BABAM2: variants seen among roughly 807,000 people sequenced by gnomAD.
BABAM2 encodes BRISC and BRCA1 A complex member 2.
In BABAM2, 31 loss-of-function variants were observed where a neutral mutation model predicts 54.7. The ratio of observed to expected loss-of-function variants is 0.57; its 90% CI spans 0.43 to 0.77. BABAM2 has a LOEUF of 0.77. BABAM2 is among the 30% of genes least tolerant of loss of function. The pLI is 0.00. For synonymous variants in BABAM2, 167 were observed against 162.9 expected (o/e 1.03, Z -0.19); for missense variants, 364 against 455.8 (o/e 0.80, Z 1.83).
chr2:28,218,514 T>C (rs745445109), intron 7 of BABAM2, among the ~76,000 whole-genome samples: 1 of 152,220 alleles, frequency 6.6e-6, no homozygotes, highest in Non-Finnish European at 1.5e-5. Flanking sequence ...TTGGGTTCAT[T>C]TGATGCTTCC....
In BABAM2 at chr2:28,294,379, C is replaced by CA. The variant is rs113383946; in HGVS notation, c.935-3944dup. ...TGGGCGACACAGTGAGACTCCATCT[C>CA]AAAAAAAAAAAAAAAGGAAAGAAAG... On this transcript the variant is annotated intron_variant, in intron 10 of 11. Coordinates refer to ENST00000379624, the MANE Select transcript of BABAM2 (RefSeq NM_199191.3). Among the ~76,000 whole-genome samples, 920 of 92,820 alleles carry CA rather than the reference C, an allele frequency of 9.9e-3. 4 individuals carry two copies. The Middle Eastern group carries it at 0.11, about 11-fold the overall frequency. 60.9% of individuals were successfully genotyped at this position (92,820 alleles called of 152,430 possible).
chr2:28,331,781 C>G (rs1005295295), intron 11 of BABAM2, among the ~76,000 whole-genome samples: 1 of 152,188 alleles, frequency 6.6e-6, no homozygotes, highest in African/African-American at 2.4e-5. Flanking sequence ...GACCTAGAAC[C>G]AGAAATATCA....
intron 7 of BABAM2, among the ~76,000 whole-genome samples, chr2:28,143,720 G>A (rs1176424828): frequency 1.3e-5 from 2 of 152,110 alleles, no homozygotes; most frequent in African/African-American, 4.8e-5. Flanking sequence ...TACTACTAGT[G>A]GCTAATACCA....
At chr2:27,982,712 T>C (rs1314665142) in intron 3 of BABAM2, among the ~76,000 whole-genome samples, 1 of 151,878 alleles carries the variant, frequency 6.6e-6, no homozygotes, top group Non-Finnish European at 1.5e-5. Flanking sequence ...CTTCAGGTGT[T>C]TCGTATAAGT....
At chr2:28,335,380 G>T (rs1691357698) in intron 11 of BABAM2, among the ~76,000 whole-genome samples, 1 of 152,106 alleles carries the variant, frequency 6.6e-6, no homozygotes, top group South Asian at 2.1e-4. Flanking sequence ...ATGTTGGCCA[G>T]GCTGGTCTTG....
rs564373557 is a variant in BABAM2 at position 28,159,748 on chromosome 2, C to G, written c.680+30368C>G. Among the ~76,000 whole-genome samples, 3 of 152,086 alleles carry G rather than the reference C, an allele frequency of 2.0e-5. No homozygotes were observed. In the East Asian group the frequency reaches 5.8e-4, roughly 30 times the overall value. On this transcript the variant is annotated intron_variant, in intron 7 of 11. Transcript: ENST00000379624. The stretch of plus-strand genomic sequence containing the variant: ...TACAAAAATTAGCTGGGCGTGGTGG[C>G]AAGCACCTGTAATCCCAGCGACTCA...
At position 28,131,468 on chromosome 2, in the gene BABAM2, G is replaced by A. The variant is rs368909303; in HGVS notation, c.680+2088G>A. Among the ~76,000 whole-genome samples, 7 of 152,100 alleles carry A rather than the reference G, an allele frequency of 4.6e-5. No individual in the cohort carries two copies. The South Asian group carries it at 1.2e-3, about 27-fold the overall frequency. On this transcript the variant is annotated intron_variant, in intron 7 of 11. Coordinates refer to ENST00000379624, the MANE Select transcript of BABAM2 (RefSeq NM_199191.3). ...GTAGAATGACGTGGCATAAGGCAAG[G>A]GCTCTGAGTCAAGCAGATCTAGTTT...
intron 3 of BABAM2, among the ~76,000 whole-genome samples, chr2:27,963,949 A>T (rs1670663324): frequency 6.6e-6 from 1 of 152,250 alleles, no homozygotes; most frequent in Non-Finnish European, 1.5e-5. Flanking sequence ...GTTTGGAAGC[A>T]GCAGGATGTA....
At position 28,120,228 on chromosome 2, in the gene BABAM2, C is replaced by T. The variant is rs185482844; in HGVS notation, c.571-9043C>T. On this transcript the variant is annotated intron_variant, in intron 6 of 11. Transcript: ENST00000379624. ...TTTTGAATATCTACTGTGTGCCTGGCGCAGACAATATCATTTATTCTTGGA... is the reference window on the plus strand; with the variant it reads ...TTTTGAATATCTACTGTGTGCCTGGTGCAGACAATATCATTTATTCTTGGA... Among the ~76,000 whole-genome samples the T allele has an allele frequency of 1.2e-3, 182 of 152,218 alleles. 1 individual carries two copies. Among genetic ancestry groups the T allele is most frequent in the Middle Eastern group, 3.4e-3 (1 of 294 alleles).
At chr2:28,135,383 A>ATCCT (rs1670445015) in intron 7 of BABAM2, among the ~76,000 whole-genome samples, 1 of 151,818 alleles carries the variant, frequency 6.6e-6, no homozygotes, top group Admixed American at 6.6e-5. Context: ...GAGTTTTTAG[A>ATCCT]TCCTTCCTTG....
chr2:28,314,504 A>C (rs1463449858), intron 11 of BABAM2, among the ~76,000 whole-genome samples: 2 of 152,144 alleles, frequency 1.3e-5, no homozygotes, highest in Non-Finnish European at 1.5e-5. Context: ...CTTGGTTGAC[A>C]CTCAGGTTTG....
intron 10 of BABAM2, among the ~76,000 whole-genome samples, chr2:28,271,546 G>A (rs547259222): frequency 1.5e-3 from 225 of 152,264 alleles, no homozygotes; most frequent in Non-Finnish European, 2.3e-3. Flanking sequence ...CATTGTAAAG[G>A]AAACAACCCT....
chr2:28,333,216 C>A (rs779267844), intron 11 of BABAM2, among the ~76,000 whole-genome samples: 1 of 152,108 alleles, frequency 6.6e-6, no homozygotes, highest in Non-Finnish European at 1.5e-5. Flanking sequence ...CAGTTACTCC[C>A]GCCTTTTAGA....
intron 7 of BABAM2, among the ~76,000 whole-genome samples, chr2:28,149,268 G>A (rs988840326): frequency 6.6e-6 from 1 of 152,134 alleles, no homozygotes; most frequent in Non-Finnish European, 1.5e-5. Flanking sequence ...TGAGTACTGG[G>A]TACGAAGACT....
At chr2:28,051,941 T>A (rs1024073653) in intron 6 of BABAM2, among the ~76,000 whole-genome samples, 1 of 152,024 alleles carries the variant, frequency 6.6e-6, no homozygotes, top group Admixed American at 6.6e-5. Flanking sequence ...TGAGCCACCA[T>A]GCCTGGCCAA....
intron 7 of BABAM2, among the ~76,000 whole-genome samples, chr2:28,222,329 G>A (rs973076190): frequency 1.4e-4 from 21 of 152,088 alleles, no homozygotes; most frequent in African/African-American, 4.3e-4. Flanking sequence ...CCTCATGTCG[G>A]GGTCCTTAAC....
intron 10 of BABAM2, among the ~76,000 whole-genome samples, chr2:28,275,766 C>T (rs977692707): frequency 3.3e-5 from 5 of 152,000 alleles, no homozygotes; most frequent in Non-Finnish European, 4.4e-5. Context: ...ATAAACATCC[C>T]GCAGAGAGGA....
intron 6 of BABAM2, among the ~76,000 whole-genome samples, chr2:28,071,422 G>C (rs2148658560): frequency 6.6e-6 from 1 of 152,314 alleles, no homozygotes; most frequent in Non-Finnish European, 1.5e-5. Flanking sequence ...TTGGCAGCTG[G>C]ATGGAAAGGC....
intron 10 of BABAM2, among the ~76,000 whole-genome samples, chr2:28,290,853 ATCATAT>A (rs1687228193): frequency 6.6e-6 from 1 of 152,234 alleles, no homozygotes; most frequent in Non-Finnish European, 1.5e-5. Flanking sequence ...TTTTCAGTAT[ATCATAT>A]TTACTGAGAC....
Sources: gnomAD v4.1 joint callset for allele counts (sites outside exome capture counted in the v4.1 genomes callset) on GRCh38, gnomAD v4.1.1 for gene constraint, MANE v1.5 for transcripts, NCBI Gene and HGNC (gene_info 2026-07-23, HGNC 2026-07-21) for gene names.